ZNF512B: variants seen among roughly 807,000 people sequenced by gnomAD.
ZNF512B encodes the protein zinc finger protein 512B.
A neutral mutation model predicts 87.8 loss-of-function variants in ZNF512B; 22 were observed. The ratio of observed to expected loss-of-function variants is 0.25; its 90% CI spans 0.18 to 0.36. ZNF512B has a LOEUF of 0.36. Among genes scored for constraint, ZNF512B ranks in the 10% least tolerant of loss-of-function variants. ZNF512B has a pLI of 1.00. For synonymous variants in ZNF512B, 524 were observed against 490.9 expected (o/e 1.07, Z -0.89); for missense variants, 1,060 against 1,231.6 (o/e 0.86, Z 2.09).
Position 63,961,312 on chromosome 20 carries a change from T to C in ZNF512B, c.2424A>G (p.Ala808=). 1 of 1,612,228 alleles carries C rather than the reference T, an allele frequency of 6.2e-7. No individual in the cohort carries two copies. Among genetic ancestry groups the C allele is most frequent in the East Asian group, 2.2e-5 (1 of 44,880 alleles). ...GCCCTGGTGATGGCCCTCGCACCTCTGCGTGGGTCTTCAGGATGTGGTATT... is the reference window on the plus strand; with the variant it reads ...GCCCTGGTGATGGCCCTCGCACCTCCGCGTGGGTCTTCAGGATGTGGTATT... ...GVKYHILKTH[A]ENWFRTSADP... is the part of the protein sequence containing the mutation. The change falls in exon 16 of 17, where the codon GCA becomes GCG. Residue 808 remains alanine, a synonymous_variant. Coordinates refer to ENST00000369888, the MANE Select transcript of ZNF512B (RefSeq NM_020713.3). The surrounding 1 kb of genome is among the most constrained non-coding windows in gnomAD (Gnocchi z 6.4).
intron 6 of ZNF512B, 38 bp downstream of exon 6, chr20:63,964,452 G>C: frequency 6.2e-7 from 1 of 1,613,380 alleles, no homozygotes; most frequent in Non-Finnish European, 8.5e-7. Context: ...AGGAGGCCGA[G>C]CCTGCCCCGG....
In ZNF512B at chr20:63,963,102, G is replaced by A. The variant is rs199612485; in HGVS notation, c.1961C>T (p.Thr654Met). The change falls in exon 12 of 17, where the codon ACG (threonine) becomes ATG (methionine). Residue 654 changes from threonine to methionine, a missense_variant. By Grantham distance (81) the Thr-to-Met change is moderately conservative (BLOSUM62 -1). This residue lies in a region of ZNF512B where 165 missense variants were observed against 173.0 expected (regional missense o/e 0.95). Coordinates refer to ENST00000369888, the MANE Select transcript of ZNF512B (RefSeq NM_020713.3). ...GAACAGAGAGCCACTCACGGGGGCCGTGTGCTCCGAGCGCACGTGGTAGTC... is the reference window on the plus strand; with the variant it reads ...GAACAGAGAGCCACTCACGGGGGCCATGTGCTCCGAGCGCACGTGGTAGTC... ...GHDYHVRSEH[T>M]APPPEEPTDK... The A allele has an allele frequency of 5.9e-5, 92 of 1,556,766 alleles. 1 individual carries two copies. The East Asian group carries it at 9.0e-4, about 15-fold the overall frequency.
At position 63,966,667 on chromosome 20, in the gene ZNF512B, C is replaced by T. The variant is rs765697882; in HGVS notation, c.508G>A (p.Ala170Thr). The change falls in exon 5 of 17, where the codon GCC (alanine) becomes ACC (threonine). Residue 170 changes from alanine to threonine, a missense_variant. Physicochemically the swap from Ala to Thr is moderately conservative, Grantham distance 58 (BLOSUM62 0). This residue lies in a region of ZNF512B where 201 missense variants were observed against 226.8 expected (regional missense o/e 0.89). Transcript: ENST00000369888. The stretch of plus-strand genomic sequence containing the variant: ...CTGCTGATGGGCCCAGGCTTGGAGG[C>T]AGGCAGGGGTCGGTCCATGTGGTTC... Reference protein sequence around the residue: ...IWNHMDRPLPASKPGPISRPV... With the variant: ...IWNHMDRPLPTSKPGPISRPV... 1.2e-6 allele frequency: 2 copies of T among 1,613,128 alleles called. No homozygotes were observed. The highest frequency in any genetic ancestry group is 4.5e-5 in the East Asian group (2 of 44,886).
At position 63,966,780 on chromosome 20, in the gene ZNF512B, C is replaced by A. The variant is rs773594660; in HGVS notation, c.395G>T (p.Gly132Val). 1 of 1,598,392 alleles carries A rather than the reference C, an allele frequency of 6.3e-7. No individual in the cohort carries two copies. Among genetic ancestry groups the A allele is most frequent in the Non-Finnish European group, 8.5e-7 (1 of 1,172,016 alleles). The change falls in exon 5 of 17, where the codon GGT becomes GTT. Residue 132 changes from glycine to valine, a missense_variant and splice_region_variant. By Grantham distance (109) the Gly-to-Val change is moderately radical (BLOSUM62 -3). Transcript: ENST00000369888. ...GAAGGCCAGGCGATCTGAGATGGCA[C>A]CCTGGGCAGGGAAGGGAAGGTTTGG... ...LKYHYQRCQG[G>V]AISDRLAFPC...
rs1234476558 is a variant in ZNF512B, at chr20:63,966,133, C to T, written c.1034+8G>A. Reference sequence around the variant, plus strand: ...TGTTCCTCCCCGACCTGGGACGAGCCCCCATACCTTTTCTTACCACTGTTC... The same window carrying T: ...TGTTCCTCCCCGACCTGGGACGAGCTCCCATACCTTTTCTTACCACTGTTC... On this transcript the variant is annotated splice_region_variant and intron_variant, in intron 5 of 16. Coordinates refer to ENST00000369888, the MANE Select transcript of ZNF512B (RefSeq NM_020713.3). 6.3e-7 allele frequency: 1 copy of T among 1,585,366 alleles called. No homozygotes were observed. Among genetic ancestry groups the T allele is most frequent in the East Asian group, 2.2e-5 (1 of 44,690 alleles).
At position 63,959,885 on chromosome 20, in the gene ZNF512B, T is replaced by A. The variant is rs1330847231; in HGVS notation, c.*3A>T. On this transcript the variant is annotated 3_prime_UTR_variant, in exon 17 of 17. Transcript: ENST00000369888. ...CATGGGGGCCAGGCCCCACGCACCA[T>A]GCTCACTTTTCAGGCGCCTTGCTGA... 3 of 1,575,578 alleles carry A rather than the reference T, an allele frequency of 1.9e-6. No homozygotes were observed. In the African/African-American group the frequency reaches 4.1e-5, roughly 21 times the overall value.
chr20:63,961,298 G>A lies in ZNF512B; in HGVS notation c.2427+11C>T. ...GCCCCCAGCCACAGGCCCTGGTGATGGCCCTCGCACCTCTGCGTGGGTCTT... is the reference window on the plus strand; with the variant it reads ...GCCCCCAGCCACAGGCCCTGGTGATAGCCCTCGCACCTCTGCGTGGGTCTT... On this transcript the variant is annotated intron_variant, in intron 16 of 16. Transcript: ENST00000369888. The surrounding 1 kb of genome is among the most constrained non-coding windows in gnomAD (Gnocchi z 6.4). The A allele has an allele frequency of 6.2e-7, 1 of 1,611,138 alleles. No individual in the cohort carries two copies.
At chr20:63,960,853 G>C (rs1246852156) in intron 16 of ZNF512B, among the ~76,000 whole-genome samples, 17 of 145,606 alleles carry the variant, frequency 1.2e-4, no homozygotes, top group Non-Finnish European at 1.5e-5. Flanking sequence ...CAGGGAGCTG[G>C]ACACAGCCTT....
chr20:63,964,050 C>G (rs1418749175), intron 8 of ZNF512B, 21 bp downstream of exon 8: 2 of 1,602,306 alleles, frequency 1.2e-6, no homozygotes, highest in Admixed American at 1.7e-5. Flanking sequence ...CTGCCCTGAG[C>G]CCCTGCCAGG....
In ZNF512B at chr20:63,962,347, T is replaced by C. The variant is rs1171372268; in HGVS notation, c.2191A>G (p.Thr731Ala). ...RLNYTRPGLP[T>A]LNPQLLEAWK... is the part of the protein sequence containing the mutation. ...GCCTCTAGCAGCTGGGGGTTCAGCG[T>C]GGGGAGCCCTGGTCGAGTGTAGTTG... Residue 731 changes from threonine (T) to alanine (A), a missense_variant, in exon 14 of 17, where the codon ACG (threonine) becomes GCG (alanine). Thr to Ala is a moderately conservative substitution (Grantham distance 58, BLOSUM62 0). Transcript: ENST00000369888. 2 of 1,612,726 alleles carry C rather than the reference T, an allele frequency of 1.2e-6. No individual in the cohort carries two copies. Among genetic ancestry groups the C allele is most frequent in the Admixed American group, 1.7e-5 (1 of 59,974 alleles).
intron 2 of ZNF512B, 124 bp downstream of exon 2, chr20:63,967,706 G>T: frequency 6.7e-7 from 1 of 1,501,722 alleles, no homozygotes; most frequent in Non-Finnish European, 8.9e-7. Flanking sequence ...ACCCTGGTAA[G>T]GTCCTTGGGA....
chr20:63,960,533 C>A (rs2058839458), intron 16 of ZNF512B, among the ~76,000 whole-genome samples: 1 of 123,598 alleles, frequency 8.1e-6, no homozygotes, highest in African/African-American at 3.1e-5. Context: ...GCCTTCAGGA[C>A]CAGGCAGGCA....
chr20:63,966,046 TACCTTTTCTTACCACTGTTCC>T, intron 5 of ZNF512B, 74 bp downstream of exon 5: 5 of 600,530 alleles, frequency 8.3e-6, no homozygotes, highest in African/African-American at 6.7e-5. Flanking sequence ...CGAGCCCCCA[TACCTTTTCTTACCACTGTTCC>T]TCCCTGACCT....
Position 63,966,523 on chromosome 20 carries a change from C to T in ZNF512B, c.652G>A (p.Val218Ile), listed in dbSNP as rs769710351. The change falls in exon 5 of 17, where the codon GTC becomes ATC. Residue 218 changes from valine (V) to isoleucine (I), a missense_variant. Physicochemically the swap from Val to Ile is conservative, Grantham distance 29. Coordinates refer to ENST00000369888, the MANE Select transcript of ZNF512B (RefSeq NM_020713.3). ...TTGGTGACTGGCATGGGTCTGCCGA[C>T]CGAGACTGGCTTGCTGATGCCAATG... Reference protein sequence around the residue: ...KPIGISKPVSVGRPMPVTKAI... With the variant: ...KPIGISKPVSIGRPMPVTKAI... 6.2e-7 allele frequency: 1 copy of T among 1,614,110 alleles called. No individual in the cohort carries two copies. The highest frequency in any genetic ancestry group is 8.5e-7 in the Non-Finnish European group (1 of 1,180,040).
Position 63,962,018 on chromosome 20 carries a change from A to G in ZNF512B, c.2266-14T>C, listed in dbSNP as rs1320448732. On this transcript the variant is annotated splice_polypyrimidine_tract_variant and intron_variant, in intron 14 of 16. Transcript: ENST00000369888. ...GGCTTCACAGCACTGCAGGGAAGGG[A>G]GCCGTGGGCGAAGGCCTCTGGTGGG... 1.3e-6 allele frequency: 2 copies of G among 1,550,772 alleles called. No homozygotes were observed. The highest frequency in any genetic ancestry group is 2.4e-5 in the South Asian group (2 of 84,066).
At chr20:63,962,952 C>T (rs1017543764) in intron 12 of ZNF512B, 143 bp downstream of exon 12, 19 of 1,295,560 alleles carry the variant, frequency 1.5e-5, no homozygotes, top group Non-Finnish European at 2.0e-5. Context: ...TCCCGCCCAC[C>T]AGGACACACG....
In ZNF512B at chr20:63,964,300, A is replaced by G. The variant is rs1344863068; in HGVS notation, c.1333+20T>C. 6.2e-7 allele frequency: 1 copy of G among 1,613,710 alleles called. No individual in the cohort carries two copies. The highest frequency in any genetic ancestry group is 8.5e-7 in the Non-Finnish European group (1 of 1,179,932). On this transcript the variant is annotated intron_variant, in intron 7 of 16. Coordinates refer to ENST00000369888, the MANE Select transcript of ZNF512B (RefSeq NM_020713.3). The stretch of plus-strand genomic sequence containing the variant: ...TGGACAGCCCCAGCCCTGGAGGTGC[A>G]CACCGGGCTGGGGTCTTACCTTTGA...
In ZNF512B at chr20:63,966,716, G is replaced by C. The variant is rs149703398; in HGVS notation, c.459C>G (p.Thr153=). 3.4e-4 allele frequency: 551 copies of C among 1,608,284 alleles called. 1 individual carries two copies. The African/African-American group carries it at 6.3e-3, about 18-fold the overall frequency. ...PFCEAAFTSK[T]QLEKHRIWNH... ...TCCAGATCCGGTGTTTCTCCAGCTG[G>C]GTCTTAGAGGTGAATGCGGCCTCGC... Residue 153 remains threonine, a synonymous_variant, in exon 5 of 17, where the codon ACC becomes ACG. Coordinates refer to ENST00000369888, the MANE Select transcript of ZNF512B (RefSeq NM_020713.3).
In ZNF512B at chr20:63,966,985, C is replaced by T; in HGVS notation, c.284G>A (p.Trp95Ter). Residue 95 changes from tryptophan to a stop codon, truncating the protein, a stop_gained, in exon 4 of 17, where the codon TGG becomes TAG. Transcript: ENST00000369888. LOFTEE classifies it high-confidence loss of function. ...CGAGTGTGCCTTGAACTCATCCTTC[C>T]AGTCGTTCATCAGGGAGAGCTAGGC... ...RDIPLSLMND[W>*]KDEFKAHSRV... is the part of the protein sequence containing the mutation. 1 of 1,613,640 alleles carries T rather than the reference C, an allele frequency of 6.2e-7. No individual in the cohort carries two copies. Among genetic ancestry groups the T allele is most frequent in the Non-Finnish European group, 8.5e-7 (1 of 1,180,034 alleles).
Sources: allele counts gnomAD v4.1 joint callset (sites outside exome capture counted in the v4.1 genomes callset), GRCh38; gene constraint gnomAD v4.1.1; regional missense constraint gnomAD v4.1.1; non-coding constraint Gnocchi (gnomAD v3.1); transcripts MANE v1.5; gene names NCBI Gene and HGNC (gene_info 2026-07-23, HGNC 2026-07-21).